RNF216: variants seen among roughly 807,000 people sequenced by gnomAD.
The protein encoded by RNF216 is ring finger protein 216, also known as E3 ubiquitin-protein ligase RNF216.
A neutral mutation model predicts 110.8 loss-of-function variants in RNF216; 72 were observed. The ratio of observed to expected loss-of-function variants is 0.65; its 90% CI spans 0.54 to 0.79. The LOEUF is 0.79. Among genes scored for constraint, RNF216 ranks in the 30% least tolerant of loss-of-function variants. The pLI is 0.00. For synonymous variants in RNF216, 495 were observed against 407.5 expected, an observed-to-expected ratio of 1.21 and a Z score of -2.59; for missense variants, 1,342 against 1,141.2, an observed-to-expected ratio of 1.18 and a Z score of -2.54.
intron 1 of RNF216, among the ~76,000 whole-genome samples, chr7:5,781,211 G>T (rs1797070105): frequency 6.6e-6 from 1 of 152,130 alleles, no homozygotes; most frequent in South Asian, 2.1e-4. Context: ...GGGCCCGGGG[G>T]AGGGAAGCGC....
intron 13 of RNF216, among the ~76,000 whole-genome samples, chr7:5,664,898 C>G (rs1029785418): frequency 6.6e-6 from 1 of 152,206 alleles, no homozygotes; most frequent in Non-Finnish European, 1.5e-5. Flanking sequence ...CAGGTTCAAG[C>G]AATTCTTCCT....
intron 5 of RNF216, among the ~76,000 whole-genome samples, chr7:5,738,283 G>GT (rs1269148427): frequency 1.3e-5 from 2 of 152,064 alleles, no homozygotes; most frequent in African/African-American, 4.8e-5. Flanking sequence ...CTGGAGTGCA[G>GT]TAGCGTAACA....
At chr7:5,646,741 T>C (rs1359746737) in intron 14 of RNF216, among the ~76,000 whole-genome samples, 1 of 151,632 alleles carries the variant, frequency 6.6e-6, no homozygotes, top group African/African-American at 2.4e-5. Context: ...CCTTGTTATG[T>C]GTGGTCACTG....
chr7:5,658,704 A>G (rs1788905116), intron 13 of RNF216, among the ~76,000 whole-genome samples: 1 of 151,880 alleles, frequency 6.6e-6, no homozygotes, highest in African/African-American at 2.4e-5. Context: ...ATAAAGCAGT[A>G]TATTTTAAAG....
chr7:5,653,893 T>C (rs901566056), intron 13 of RNF216, among the ~76,000 whole-genome samples: 3 of 152,180 alleles, frequency 2.0e-5, no homozygotes, highest in Non-Finnish European at 4.4e-5. Context: ...TCAGTTCCTA[T>C]GGCTGGACTG....
intron 8 of RNF216, among the ~76,000 whole-genome samples, chr7:5,721,540 G>A (rs1001862957): frequency 6.6e-6 from 1 of 152,212 alleles, no homozygotes; most frequent in African/African-American, 2.4e-5. Context: ...GTTGGTGAAT[G>A]TATGTCCGCA....
chr7:5,764,509 G>C (rs1296196472), intron 1 of RNF216, among the ~76,000 whole-genome samples: 1 of 151,956 alleles, frequency 6.6e-6, no homozygotes, highest in South Asian at 2.1e-4. Flanking sequence ...TCAGCTTGGT[G>C]TGGTGGCATG....
At chr7:5,655,930 T>G (rs1162730517) in intron 13 of RNF216, among the ~76,000 whole-genome samples, 1 of 150,394 alleles carries the variant, frequency 6.6e-6, no homozygotes, top group Non-Finnish European at 1.5e-5. Context: ...GATCTCGGCT[T>G]ACTGCAACCT....
chr7:5,742,093 C>G (rs905228189), intron 3 of RNF216, among the ~76,000 whole-genome samples: 17 of 152,198 alleles, frequency 1.1e-4, no homozygotes, highest in Non-Finnish European at 1.2e-4. Flanking sequence ...GCTACCCAGG[C>G]TGGAGTGCAA....
At chr7:5,743,036 G>A (rs1229123092) in intron 3 of RNF216, among the ~76,000 whole-genome samples, 4 of 152,126 alleles carry the variant, frequency 2.6e-5, no homozygotes, top group African/African-American at 9.7e-5. Flanking sequence ...GCCAAGGCAG[G>A]CGGATCACGA....
chr7:5,663,203 C>T (rs890088114), intron 13 of RNF216, among the ~76,000 whole-genome samples: 1 of 152,098 alleles, frequency 6.6e-6, no homozygotes, highest in South Asian at 2.1e-4. Context: ...TTTCCAAATG[C>T]CAGGCGCTCC....
At chr7:5,710,014 A>G (rs758680261) in intron 13 of RNF216, among the ~76,000 whole-genome samples, 1 of 152,166 alleles carries the variant, frequency 6.6e-6, no homozygotes, top group Non-Finnish European at 1.5e-5. Flanking sequence ...TCAGCCTCTC[A>G]AAGTGCTGGG....
Position 5,644,818 on chromosome 7 carries a change from T to C in RNF216, c.2160-3442A>G, listed in dbSNP as rs1055405682. The stretch of plus-strand genomic sequence containing the variant: ...ACTGTGCCTGGCTGTTTGCCTATTT[T>C]CTTTTTTTCTTTTTTTTTTTTTTTG... On this transcript the variant is annotated intron_variant, in intron 14 of 16. Coordinates refer to ENST00000389902, the MANE Select transcript of RNF216 (RefSeq NM_207111.4). 7.4e-5 allele frequency among the ~76,000 whole-genome samples: 11 copies of C among 148,682 alleles called. No individual in the cohort carries two copies. In the East Asian group the frequency reaches 1.9e-3, roughly 26 times the overall value.
At chr7:5,646,742 G>GT (rs1297561068) in intron 14 of RNF216, among the ~76,000 whole-genome samples, 1 of 151,684 alleles carries the variant, frequency 6.6e-6, no homozygotes, top group Non-Finnish European at 1.5e-5. Flanking sequence ...CTTGTTATGT[G>GT]TGGTCACTGA....
At chr7:5,659,016 T>A (rs1584394638) in intron 13 of RNF216, among the ~76,000 whole-genome samples, 2 of 151,762 alleles carry the variant, frequency 1.3e-5, no homozygotes. Flanking sequence ...ACTGGAAGAG[T>A]CTATGAAAGA....
intron 13 of RNF216, among the ~76,000 whole-genome samples, chr7:5,666,115 G>C (rs945851039): frequency 7.4e-5 from 11 of 149,540 alleles, no homozygotes; most frequent in Non-Finnish European, 1.6e-4. Flanking sequence ...GCAGTGAGTG[G>C]AGATCACGCC....
intron 13 of RNF216, among the ~76,000 whole-genome samples, chr7:5,699,585 T>G (rs1470677783): frequency 6.6e-6 from 1 of 152,214 alleles, no homozygotes; most frequent in African/African-American, 2.4e-5. Flanking sequence ...GGATTTCGTT[T>G]CTCATCACGG....
chr7:5,678,435 C>T (rs1472333649), intron 13 of RNF216, among the ~76,000 whole-genome samples: 1 of 152,144 alleles, frequency 6.6e-6, no homozygotes, highest in African/African-American at 2.4e-5. Flanking sequence ...CCTCCCCAAG[C>T]GCAGAGAAAA....
chr7:5,653,630 A>T (rs1239918086), intron 13 of RNF216, among the ~76,000 whole-genome samples: 3 of 137,484 alleles, frequency 2.2e-5, no homozygotes, highest in Non-Finnish European at 3.2e-5. Flanking sequence ...AAAAAGAATT[A>T]AAAAAAAATG....
Sources: gnomAD v4.1 joint callset for allele counts (sites outside exome capture counted in the v4.1 genomes callset) on GRCh38, gnomAD v4.1.1 for gene constraint, MANE v1.5 for transcripts, NCBI Gene and HGNC (gene_info 2026-07-23, HGNC 2026-07-21) for gene names.